Variants in NOS1AP observed in about 807,000 individuals in gnomAD.
The protein encoded by NOS1AP is carboxyl-terminal PDZ ligand of neuronal nitric oxide synthase protein.
In NOS1AP, 21 loss-of-function variants were observed where a neutral mutation model predicts 56.2. The observed-to-expected ratio is 0.37, with a 90% CI of 0.26 to 0.54. The LOEUF (loss-of-function observed/expected upper bound fraction) is 0.54, where lower values mean the gene tolerates loss of function less well. Ranked by LOEUF, NOS1AP falls within the 20% of genes least tolerant of loss-of-function variation. The probability of loss-of-function intolerance (pLI) is 0.84; values close to 1 mark genes in which losing one functional copy is unlikely to be tolerated. For missense variants in NOS1AP, 522 were observed against 657.8 expected (o/e 0.79, Z 2.26); for synonymous variants, 270 against 274.6 (o/e 0.98, Z 0.17).
chr1:162,350,127 T>C (rs751146050), intron 6 of NOS1AP, among the ~76,000 whole-genome samples: 63 of 152,198 alleles, frequency 4.1e-4, no homozygotes, highest in Non-Finnish European at 7.6e-4. Context: ...TTTACGAGAA[T>C]CTCACCTTCA....
At chr1:162,233,587 T>C (rs1235491731) in intron 2 of NOS1AP, among the ~76,000 whole-genome samples, 1 of 152,210 alleles carries the variant, frequency 6.6e-6, no homozygotes, top group East Asian at 1.9e-4. Context: ...AGAAACCCTA[T>C]ACCCAATAGC....
At chr1:162,288,511 A>G (rs1457948681) in intron 3 of NOS1AP, among the ~76,000 whole-genome samples, 1 of 152,236 alleles carries the variant, frequency 6.6e-6, no homozygotes, top group Non-Finnish European at 1.5e-5. Flanking sequence ...GGGACTTGTC[A>G]TATCAATCCA....
chr1:162,081,321 G>A (rs1313477659), intron 1 of NOS1AP, among the ~76,000 whole-genome samples: 2 of 152,098 alleles, frequency 1.3e-5, no homozygotes, highest in African/African-American at 2.4e-5. Context: ...ATTGGGCAAC[G>A]GGTCACCTGT....
At chr1:162,243,565 CT>C (rs1653564541) in intron 2 of NOS1AP, among the ~76,000 whole-genome samples, 1 of 152,214 alleles carries the variant, frequency 6.6e-6, no homozygotes, top group African/African-American at 2.4e-5. Context: ...GAGCAAATCT[CT>C]TCCCCATCTC....
At chr1:162,166,106 C>T (rs1204584185) in intron 2 of NOS1AP, among the ~76,000 whole-genome samples, 1 of 152,156 alleles carries the variant, frequency 6.6e-6, no homozygotes, top group Non-Finnish European at 1.5e-5. Context: ...ATTTTTCAAT[C>T]GTGTCTCTCC....
chr1:162,309,489 C>T (rs963052269), intron 4 of NOS1AP, among the ~76,000 whole-genome samples: 3 of 152,146 alleles, frequency 2.0e-5, no homozygotes, highest in Non-Finnish European at 4.4e-5. Flanking sequence ...AGTGCTGAAG[C>T]TTAGAAAGTA....
intron 2 of NOS1AP, among the ~76,000 whole-genome samples, chr1:162,204,344 C>T (rs756638172): frequency 7.9e-5 from 12 of 152,198 alleles, no homozygotes; most frequent in African/African-American, 1.4e-4. Flanking sequence ...TACAGGTTTC[C>T]GCTTACATGT....
intron 8 of NOS1AP, among the ~76,000 whole-genome samples, chr1:162,359,721 G>GC (rs201915448): frequency 0.018 from 1,834 of 102,356 alleles, 42 homozygotes; most frequent in African/African-American, 0.059. Context: ...TCTCTACGCG[G>GC]GGGGGGGCTG....
intron 2 of NOS1AP, among the ~76,000 whole-genome samples, chr1:162,187,570 T>C (rs897395600): frequency 3.3e-5 from 5 of 152,218 alleles, no homozygotes; most frequent in Non-Finnish European, 7.3e-5. Context: ...GATACTTACA[T>C]TGTCAAATTG....
At chr1:162,361,723 A>G (rs543019358) in intron 8 of NOS1AP, among the ~76,000 whole-genome samples, 32 of 152,378 alleles carry the variant, frequency 2.1e-4, no homozygotes, top group African/African-American at 7.0e-4. Flanking sequence ...TTCTCATGGC[A>G]CTTGGTGCCA....
chr1:162,221,914 C>T (rs1050617429), intron 2 of NOS1AP, among the ~76,000 whole-genome samples: 4 of 152,086 alleles, frequency 2.6e-5, no homozygotes. Context: ...TACTCCATTT[C>T]TTTTTAATGG....
intron 2 of NOS1AP, among the ~76,000 whole-genome samples, chr1:162,219,657 G>GT (rs986942379): frequency 7.2e-5 from 11 of 152,210 alleles, no homozygotes; most frequent in Non-Finnish European, 1.0e-4. Context: ...AGTGGCTGTT[G>GT]CCCCCACCAG....
chr1:162,236,681 G>A (rs1421890962), intron 2 of NOS1AP, among the ~76,000 whole-genome samples: 1 of 152,140 alleles, frequency 6.6e-6, no homozygotes. Context: ...GGGGATGGGG[G>A]GGCAGGTGTA....
rs190146065 is a variant in NOS1AP, at chr1:162,173,766, G to A, written c.177+19290G>A. ...ACAAGTGGGCGAAGGATATGAACAG[G>A]CACTTCTCAAAAGAAGACATTTATG... On this transcript the variant is annotated intron_variant, in intron 2 of 9. Coordinates refer to ENST00000361897, the MANE Select transcript of NOS1AP (RefSeq NM_014697.3). Among the ~76,000 whole-genome samples, 816 of 152,196 alleles carry A rather than the reference G, an allele frequency of 5.4e-3. 10 individuals are homozygous for A. The highest frequency in any genetic ancestry group is 5.0e-3 in the Non-Finnish European group (338 of 68,010).
In NOS1AP at chr1:162,148,501, G is replaced by T. The variant is rs557625136; in HGVS notation, c.106-5904G>T. 3.9e-5 allele frequency among the ~76,000 whole-genome samples: 6 copies of T among 152,328 alleles called. No individual in the cohort carries two copies. In the South Asian group the frequency reaches 1.2e-3, roughly 32 times the overall value. On this transcript the variant is annotated intron_variant, in intron 1 of 9. Transcript: ENST00000361897. ...ATGTTGGAAGATTAGGGGACGAGTGGGTAGAAGAGTATTCTGTGCACAGGG... is the reference window on the plus strand; with the variant it reads ...ATGTTGGAAGATTAGGGGACGAGTGTGTAGAAGAGTATTCTGTGCACAGGG...
chr1:162,178,953 T>C (rs1254342666), intron 2 of NOS1AP, among the ~76,000 whole-genome samples: 1 of 152,190 alleles, frequency 6.6e-6, no homozygotes, highest in Non-Finnish European at 1.5e-5. Context: ...CAGGATTTTA[T>C]CATTCTTGCT....
chr1:162,344,148 C>T (rs1390965664), intron 6 of NOS1AP, among the ~76,000 whole-genome samples, 172 bp downstream of exon 6: 1 of 152,084 alleles, frequency 6.6e-6, no homozygotes, highest in Non-Finnish European at 1.5e-5. Flanking sequence ...ACTTTTATAA[C>T]AGAAATTAAA....
In NOS1AP at chr1:162,367,833, C is replaced by A; in HGVS notation, c.*366C>A. ...CGCTTTGTCCGTGATGCCCCCCTAC[C>A]CCCTCACTCTCCCCGTCTCCATGGT... On this transcript the variant is annotated 3_prime_UTR_variant, in exon 10 of 10. Coordinates refer to ENST00000361897, the MANE Select transcript of NOS1AP (RefSeq NM_014697.3). The surrounding 1 kb of genome is among the most constrained non-coding windows in gnomAD (Gnocchi z 6.5). The A allele has an allele frequency of 4.3e-6, 1 of 233,104 alleles. No individual in the cohort carries two copies. The highest frequency in any genetic ancestry group is 8.5e-6 in the Non-Finnish European group (1 of 118,078). 14.4% of individuals were successfully genotyped at this position (233,104 alleles called of 1,614,324 possible). A position where few individuals can be genotyped will look rare whatever the true frequency, so the allele number is the denominator to read the frequency against.
chr1:162,311,585 T>C (rs936453922), intron 4 of NOS1AP, among the ~76,000 whole-genome samples: 2 of 152,034 alleles, frequency 1.3e-5, no homozygotes, highest in African/African-American at 4.8e-5. Context: ...TGTTTTCTTT[T>C]TTTTTTTTAA....
Sources: allele counts gnomAD v4.1 joint callset (sites outside exome capture counted in the v4.1 genomes callset), GRCh38; gene constraint gnomAD v4.1.1; non-coding constraint Gnocchi (gnomAD v3.1); transcripts MANE v1.5; gene names NCBI Gene and HGNC (gene_info 2026-07-23, HGNC 2026-07-21).